RIC1: variants seen among roughly 807,000 people sequenced by gnomAD.
RIC1 encodes RIC1 partner of RAB6A GEF complex, also known as guanine nucleotide exchange factor subunit RIC1.
RIC1 carries 88 observed loss-of-function variants against 169.0 expected under a neutral mutation model. That is an observed-to-expected ratio of 0.52 (90% confidence interval 0.44 to 0.62). The LOEUF is 0.62. Ranked by LOEUF, RIC1 falls within the 20% of genes least tolerant of loss-of-function variation. The probability of loss-of-function intolerance (pLI) is 0.00; values close to 1 mark genes in which losing one functional copy is unlikely to be tolerated. For synonymous variants in RIC1, 790 were observed against 601.5 expected, an observed-to-expected ratio of 1.31 and a Z score of -4.59; for missense variants, 1,877 against 1,725.5, an observed-to-expected ratio of 1.09 and a Z score of -1.56.
At chr9:5,700,971 C>T (rs367761637) in intron 3 of RIC1, among the ~76,000 whole-genome samples, 16 of 152,254 alleles carry the variant, frequency 1.1e-4, no homozygotes, top group African/African-American at 3.9e-4. Flanking sequence ...GTTAGCTTAC[C>T]TAGCTTTTAG....
intron 1 of RIC1, among the ~76,000 whole-genome samples, chr9:5,648,072 T>C (rs1818620028): frequency 6.6e-6 from 1 of 150,536 alleles, no homozygotes; most frequent in African/African-American, 2.5e-5. Context: ...AACCGCCACC[T>C]CCCGAGTTCA....
chr9:5,762,014 C>T (rs1467180703), intron 17 of RIC1, among the ~76,000 whole-genome samples: 1 of 152,178 alleles, frequency 6.6e-6, no homozygotes, highest in Non-Finnish European at 1.5e-5. Context: ...TTTCCTGCTG[C>T]TCTTTTACCT....
intron 22 of RIC1, 108 bp downstream of exon 22, chr9:5,769,364 T>C: frequency 1.2e-6 from 2 of 1,609,210 alleles, no homozygotes; most frequent in South Asian, 1.1e-5. Context: ...ATTCCAAACT[T>C]AGGAATGGAT....
chr9:5,774,487 G>A lies in RIC1; in HGVS notation c.*241G>A. ...AGTGAAAAGTAAATATTGTACAGAT[G>A]TACATGAGAATATTTTGGTTTTACT... On this transcript the variant is annotated 3_prime_UTR_variant, in exon 26 of 26. Coordinates refer to ENST00000414202, the MANE Select transcript of RIC1 (RefSeq NM_020829.4). 2.9e-6 allele frequency: 1 copy of A among 341,502 alleles called. No individual in the cohort carries two copies. Among genetic ancestry groups the A allele is most frequent in the Non-Finnish European group, 5.3e-6 (1 of 190,474 alleles). The allele number at this position is 341,502 out of a possible 1,614,324, so 21.2% of individuals were successfully genotyped here. A position where few individuals can be genotyped will look rare whatever the true frequency, so the allele number is the denominator to read the frequency against.
chr9:5,671,513 T>A (rs1820104724), intron 2 of RIC1, among the ~76,000 whole-genome samples: 1 of 152,170 alleles, frequency 6.6e-6, no homozygotes, highest in Non-Finnish European at 1.5e-5. Flanking sequence ...TGACCTCAGG[T>A]GACCCGCCTG....
At chr9:5,635,110 C>G (rs767064084) in intron 1 of RIC1, among the ~76,000 whole-genome samples, 1 of 152,118 alleles carries the variant, frequency 6.6e-6, no homozygotes, top group Non-Finnish European at 1.5e-5. Context: ...ACCTTAGCAT[C>G]CTGAGTAGCT....
At chr9:5,648,631 T>G (rs1427831190) in intron 1 of RIC1, among the ~76,000 whole-genome samples, 2 of 152,210 alleles carry the variant, frequency 1.3e-5, no homozygotes, top group East Asian at 3.8e-4. Flanking sequence ...CTAATTTATA[T>G]TTCCACCACA....
At chr9:5,767,622 T>C (rs1826875743) in intron 21 of RIC1, among the ~76,000 whole-genome samples, 5 of 152,190 alleles carry the variant, frequency 3.3e-5, no homozygotes. Context: ...AGTTTCGCTC[T>C]TGTTGCCCAG....
At chr9:5,653,754 C>G (rs112434538) in intron 1 of RIC1, among the ~76,000 whole-genome samples, 1 of 151,948 alleles carries the variant, frequency 6.6e-6, no homozygotes, top group Admixed American at 6.5e-5. Context: ...CACACCACTA[C>G]GCCCGGCTAA....
intron 22 of RIC1, chr9:5,769,547 A>C: frequency 3.8e-6 from 4 of 1,040,506 alleles, no homozygotes; most frequent in Non-Finnish European, 5.3e-6. Flanking sequence ...TACCATGCTT[A>C]TGTTATTGTG....
At chr9:5,655,880 T>G (rs13302764) in intron 1 of RIC1, among the ~76,000 whole-genome samples, 44,962 of 151,950 alleles carry the variant, frequency 0.3, 7,861 homozygotes, top group East Asian at 0.6. Flanking sequence ...TTTGTTTTTG[T>G]TTTTGAGACA....
intron 10 of RIC1, among the ~76,000 whole-genome samples, chr9:5,744,627 T>G (rs1244527824): frequency 3.3e-5 from 5 of 152,162 alleles, no homozygotes; most frequent in Non-Finnish European, 4.4e-5. Flanking sequence ...TGTAATAATT[T>G]TGTACATAAA....
At chr9:5,681,078 G>A (rs1019383375) in intron 2 of RIC1, among the ~76,000 whole-genome samples, 10 of 151,510 alleles carry the variant, frequency 6.6e-5, no homozygotes, top group Admixed American at 2.0e-4. Context: ...CGCCCGCCTC[G>A]GCCTCCCAAA....
intron 23 of RIC1, among the ~76,000 whole-genome samples, chr9:5,770,787 T>A (rs1177186750): frequency 6.6e-6 from 1 of 152,254 alleles, no homozygotes; most frequent in Non-Finnish European, 1.5e-5. Context: ...CCTCTTGGCC[T>A]TAAAAGCTTG....
intron 3 of RIC1, among the ~76,000 whole-genome samples, chr9:5,696,498 C>T (rs1821914149): frequency 6.6e-6 from 1 of 152,074 alleles, no homozygotes; most frequent in Non-Finnish European, 1.5e-5. Context: ...CCTCAACTCT[C>T]CTATATCCGC....
chr9:5,739,977 A>G (rs911661693), intron 8 of RIC1, among the ~76,000 whole-genome samples: 2 of 152,140 alleles, frequency 1.3e-5, no homozygotes, highest in African/African-American at 4.8e-5. Flanking sequence ...TGTTTCCACA[A>G]TTTTAGCTCT....
At position 5,629,472 on chromosome 9, in the gene RIC1, CGCCTTTCGCCGCT is replaced by C. The variant is rs1817608418; in HGVS notation, c.144+24_144+36del. 6.6e-7 allele frequency: 1 copy of C among 1,523,754 alleles called. No individual in the cohort carries two copies. The allele number at this position is 1,523,754 out of a possible 1,614,324, so 94.4% of individuals were successfully genotyped here. A position where few individuals can be genotyped will look rare whatever the true frequency, so the allele number is the denominator to read the frequency against. On this transcript the variant is annotated intron_variant, in intron 1 of 25. Transcript: ENST00000414202. ...CAGCCGAGTAAGTAGAGCCGCCCGC[CGCCTTTCGCCGCT>C]GCCTCCCCGGCCTCCCGGCGCCGTC... is the stretch of plus-strand genomic sequence containing the variant.
At chr9:5,721,920 C>G (rs1343149463) in intron 6 of RIC1, among the ~76,000 whole-genome samples, 5 of 144,708 alleles carry the variant, frequency 3.5e-5, no homozygotes, top group African/African-American at 1.3e-4. Flanking sequence ...TGGAATTTTG[C>G]TCTTGTTGTC....
intron 3 of RIC1, among the ~76,000 whole-genome samples, chr9:5,696,860 G>A (rs1297721839): frequency 6.6e-6 from 1 of 152,182 alleles, no homozygotes; most frequent in Non-Finnish European, 1.5e-5. Context: ...TGGGTGGCAG[G>A]TAAGCTGCTT....
Sources: gnomAD v4.1 joint callset for allele counts (sites outside exome capture counted in the v4.1 genomes callset) on GRCh38, gnomAD v4.1.1 for gene constraint, MANE v1.5 for transcripts, NCBI Gene and HGNC (gene_info 2026-07-23, HGNC 2026-07-21) for gene names.